TBC1D22A: variants seen among roughly 807,000 people sequenced by gnomAD.
TBC1D22A encodes putative GTPase activator.
In TBC1D22A, 38 loss-of-function variants were observed where a neutral mutation model predicts 60.2. The ratio of observed to expected loss-of-function variants is 0.63; its 90% CI spans 0.49 to 0.83. The LOEUF (loss-of-function observed/expected upper bound fraction) is 0.83. Among genes scored for constraint, TBC1D22A ranks in the 40% least tolerant of loss-of-function variants. The probability of loss-of-function intolerance (pLI) is 0.00; values close to 1 mark genes in which losing one functional copy is unlikely to be tolerated. For missense variants in TBC1D22A, 628 were observed against 701.0 expected (o/e 0.90, Z 1.18); for synonymous variants, 302 against 281.7 (o/e 1.07, Z -0.72).
intron 3 of TBC1D22A, among the ~76,000 whole-genome samples, chr22:46,796,465 C>T (rs1244672721): frequency 6.6e-6 from 1 of 152,146 alleles, no homozygotes; most frequent in East Asian, 1.9e-4. Context: ...GGCTCCATTT[C>T]CTGGAGTTTA....
At chr22:47,010,857 G>GT (rs1226293232) in intron 10 of TBC1D22A, among the ~76,000 whole-genome samples, 1 of 152,144 alleles carries the variant, frequency 6.6e-6, no homozygotes, top group Non-Finnish European at 1.5e-5. Context: ...AGAAATAGAA[G>GT]TTTCATGTAA....
At position 46,942,087 on chromosome 22, in the gene TBC1D22A, C is replaced by G. The variant is rs1489679576; in HGVS notation, c.1015+29899C>G. 2.7e-4 allele frequency among the ~76,000 whole-genome samples: 41 copies of G among 149,546 alleles called. No homozygotes were observed. In the Admixed American group the frequency reaches 2.7e-3, roughly 10 times the overall value. ...GCACGGAGCCTGGGGCACTAGCATA[C>G]GTATATAAATACACAGTCCACCCTT... is the stretch of plus-strand genomic sequence containing the variant. On this transcript the variant is annotated intron_variant, in intron 8 of 12. Coordinates refer to ENST00000337137, the MANE Select transcript of TBC1D22A (RefSeq NM_014346.5).
At chr22:46,906,047 C>T (rs11912052) in intron 7 of TBC1D22A, among the ~76,000 whole-genome samples, 7,411 of 152,130 alleles carry the variant, frequency 0.049, 499 homozygotes, top group African/African-American at 0.14. Context: ...CTCTCAGCCA[C>T]GTGCGGGGCG....
In TBC1D22A at chr22:46,791,748, T is replaced by C. The variant is rs563747640; in HGVS notation, c.63-772T>C. Among the ~76,000 whole-genome samples, 77 of 152,324 alleles carry C rather than the reference T, an allele frequency of 5.1e-4. 2 individuals are homozygous for C. In the South Asian group the frequency reaches 0.016, roughly 31 times the overall value. ...TTTACTCTGATGCATGTAAGACTTT[T>C]ATAGTAAAACTGTTAAGTCTTTTTC... On this transcript the variant is annotated intron_variant, in intron 1 of 12. Transcript: ENST00000337137.
rs763876710 is a variant in TBC1D22A at position 46,997,718 on chromosome 22, G to A, written c.1201+9G>A. ...CGTGAGCCGGATTGATGGTAAGCCA[G>A]CTTCCCGCGCAGCCCCTCTCTGTGG... On this transcript the variant is annotated intron_variant, in intron 10 of 12. Transcript: ENST00000337137. 6.2e-6 allele frequency: 10 copies of A among 1,613,636 alleles called. No homozygotes were observed. Among genetic ancestry groups the A allele is most frequent in the South Asian group, 5.5e-5 (5 of 91,082 alleles).
intron 5 of TBC1D22A, among the ~76,000 whole-genome samples, chr22:46,889,556 T>C (rs952777665): frequency 6.6e-6 from 1 of 152,218 alleles, no homozygotes; most frequent in Non-Finnish European, 1.5e-5. Context: ...ACGAAAATCC[T>C]GTGCAGGAAT....
At chr22:47,093,267 C>T (rs934421775) in intron 11 of TBC1D22A, among the ~76,000 whole-genome samples, 2 of 152,278 alleles carry the variant, frequency 1.3e-5, no homozygotes, top group Admixed American at 6.5e-5. Context: ...GATCCTGCGC[C>T]GAGTCTCCTG....
chr22:47,105,798 A>G (rs966492657), intron 11 of TBC1D22A, among the ~76,000 whole-genome samples: 8 of 149,864 alleles, frequency 5.3e-5, no homozygotes, highest in African/African-American at 1.9e-4. Context: ...ATTCCAATAG[A>G]TATACATTCT....
intron 9 of TBC1D22A, among the ~76,000 whole-genome samples, chr22:46,978,695 C>A (rs150086343): frequency 0.013 from 1,922 of 152,240 alleles, 17 homozygotes; most frequent in Middle Eastern, 0.024. Context: ...CTGCAACCTC[C>A]GCCTCCCAGG....
chr22:46,803,848 G>T (rs901081571), intron 4 of TBC1D22A, among the ~76,000 whole-genome samples: 1 of 152,214 alleles, frequency 6.6e-6, no homozygotes, highest in East Asian at 1.9e-4. Flanking sequence ...TTCTGTGCAT[G>T]CACTGGCCCA....
chr22:47,056,567 C>T (rs562893602), intron 11 of TBC1D22A, among the ~76,000 whole-genome samples: 2 of 152,312 alleles, frequency 1.3e-5, no homozygotes, highest in African/African-American at 4.8e-5. Flanking sequence ...GATCCCTCTC[C>T]ACCCCGTCTG....
intron 4 of TBC1D22A, among the ~76,000 whole-genome samples, chr22:46,861,643 T>C (rs2087892509): frequency 6.6e-6 from 1 of 152,206 alleles, no homozygotes; most frequent in Non-Finnish European, 1.5e-5. Context: ...CTGGCCAGAA[T>C]TGCGCACCTC....
intron 11 of TBC1D22A, among the ~76,000 whole-genome samples, chr22:47,079,084 C>CTTTTTT (rs35269996): frequency 3.2e-5 from 4 of 124,962 alleles, no homozygotes; most frequent in Non-Finnish European, 3.3e-5. Flanking sequence ...GTAGAGCAGA[C>CTTTTTT]TTTTTTTTTT....
At chr22:47,115,412 C>T (rs1423257579) in intron 12 of TBC1D22A, among the ~76,000 whole-genome samples, 2 of 151,772 alleles carry the variant, frequency 1.3e-5, no homozygotes, top group Non-Finnish European at 2.9e-5. Context: ...AGCCCTGCCC[C>T]GCCCCTTTAG....
At chr22:47,127,025 C>T (rs767849125) in intron 12 of TBC1D22A, among the ~76,000 whole-genome samples, 9 of 152,180 alleles carry the variant, frequency 5.9e-5, no homozygotes, top group Admixed American at 1.3e-4. Context: ...CACATACACA[C>T]GTGTGCGTGC....
At chr22:47,154,600 G>A (rs986774285) in intron 12 of TBC1D22A, among the ~76,000 whole-genome samples, 1 of 152,230 alleles carries the variant, frequency 6.6e-6, no homozygotes, top group African/African-American at 2.4e-5. Flanking sequence ...GACCCCAGCA[G>A]TGCCTGTCCT....
intron 4 of TBC1D22A, among the ~76,000 whole-genome samples, chr22:46,845,362 C>G (rs767361975): frequency 6.6e-6 from 1 of 152,132 alleles, no homozygotes; most frequent in African/African-American, 2.4e-5. Flanking sequence ...AGATTAAGGG[C>G]AGTATTTGGT....
At chr22:46,778,099 G>C (rs541068584) in intron 1 of TBC1D22A, among the ~76,000 whole-genome samples, 7 of 152,230 alleles carry the variant, frequency 4.6e-5, no homozygotes, top group Non-Finnish European at 8.8e-5. Flanking sequence ...TGGCATACTC[G>C]TGTAGGGCAG....
intron 8 of TBC1D22A, among the ~76,000 whole-genome samples, chr22:46,972,417 C>T (rs1569290513): frequency 1.3e-5 from 2 of 152,186 alleles, no homozygotes; most frequent in South Asian, 4.1e-4. Context: ...CCGAGGCATG[C>T]AGAGACGCGG....
Sources: gnomAD v4.1 joint callset for allele counts (sites outside exome capture counted in the v4.1 genomes callset) on GRCh38, gnomAD v4.1.1 for gene constraint, MANE v1.5 for transcripts, NCBI Gene and HGNC (gene_info 2026-07-23, HGNC 2026-07-21) for gene names.